The following ZNF804B variants were observed in gnomAD, a reference collection of about 807,000 sequenced individuals.
The protein encoded by ZNF804B is zinc finger 804B.
A neutral mutation model predicts 101.4 loss-of-function variants in ZNF804B; 80 were observed. The observed-to-expected ratio is 0.79, with a 90% CI of 0.66 to 0.95. The LOEUF (loss-of-function observed/expected upper bound fraction) is 0.95. ZNF804B is among the 40% of genes least tolerant of loss of function. The probability of loss-of-function intolerance (pLI) is 0.00; values close to 1 mark genes in which losing one functional copy is unlikely to be tolerated. For missense variants in ZNF804B, 1,673 were observed against 1,561.9 expected, an observed-to-expected ratio of 1.07 and a Z score of -1.20; for synonymous variants, 622 against 558.8, an observed-to-expected ratio of 1.11 and a Z score of -1.59.
At chr7:89,016,087 G>C (rs10952940) in intron 1 of ZNF804B, among the ~76,000 whole-genome samples, 1 of 151,930 alleles carries the variant, frequency 6.6e-6, no homozygotes, top group Non-Finnish European at 1.5e-5. Context: ...CTGATAGCCA[G>C]TGATGGTGAG....
chr7:89,076,509 A>G (rs1480175606), intron 1 of ZNF804B, among the ~76,000 whole-genome samples: 4 of 152,128 alleles, frequency 2.6e-5, no homozygotes, highest in Non-Finnish European at 5.9e-5. Context: ...TTTTCTTCCC[A>G]GTCTCAGGTA....
At chr7:88,933,818 G>A (rs756314929) in intron 1 of ZNF804B, among the ~76,000 whole-genome samples, 5 of 151,762 alleles carry the variant, frequency 3.3e-5, no homozygotes, top group Non-Finnish European at 5.9e-5. Context: ...AATCAATATT[G>A]TGAAAATGAC....
rs552799519 is a variant in ZNF804B, at chr7:88,946,640, T to C, written c.108+186556T>C. 2.0e-5 allele frequency among the ~76,000 whole-genome samples: 3 copies of C among 151,682 alleles called. No individual in the cohort carries two copies. In the East Asian group the frequency reaches 5.9e-4, roughly 30 times the overall value. On this transcript the variant is annotated intron_variant, in intron 1 of 3. Coordinates refer to ENST00000333190, the MANE Select transcript of ZNF804B (RefSeq NM_181646.5). ...ATAAAATGAGTTAGGAAGGAGTCCC[T>C]CTTTTTCTATTCTTTGGAATAGTTT...
At chr7:89,183,495 C>T (rs563056335) in intron 1 of ZNF804B, among the ~76,000 whole-genome samples, 8 of 152,074 alleles carry the variant, frequency 5.3e-5, no homozygotes, top group Non-Finnish European at 7.4e-5. Context: ...CTGCAAAAAT[C>T]ATTTTCTTTT....
intron 1 of ZNF804B, among the ~76,000 whole-genome samples, chr7:89,006,792 A>C (rs1562857565): frequency 6.6e-6 from 1 of 152,130 alleles, no homozygotes; most frequent in Non-Finnish European, 1.5e-5. Flanking sequence ...AACTCACCTG[A>C]GCTCCTCTGC....
chr7:89,072,353 A>G (rs1424450528), intron 1 of ZNF804B, among the ~76,000 whole-genome samples: 1 of 152,108 alleles, frequency 6.6e-6, no homozygotes, highest in African/African-American at 2.4e-5. Flanking sequence ...ACTATGCCTT[A>G]TTTTCCTCTT....
rs774736524 is a variant in ZNF804B, at chr7:89,285,546, AAAGAAG to A, written c.250-41771_250-41766del. Among the ~76,000 whole-genome samples the A allele has an allele frequency of 1.2e-3, 112 of 93,404 alleles. 1 individual carries two copies. The Middle Eastern group carries it at 0.024, about 20-fold the overall frequency. 61.3% of individuals were successfully genotyped at this position (93,404 alleles called of 152,430 possible). On this transcript the variant is annotated intron_variant, in intron 2 of 3. Coordinates refer to ENST00000333190, the MANE Select transcript of ZNF804B (RefSeq NM_181646.5). ...TCAAAAAAAAAAAAAAAAAAAAAAAAAAGAAGAAGAAGAAGAAGAAGAAGAAGAAGA... is the reference window on the plus strand; with the variant it reads ...TCAAAAAAAAAAAAAAAAAAAAAAAAAAGAAGAAGAAGAAGAAGAAGAAGA...
chr7:89,097,274 C>T (rs1234579511), intron 1 of ZNF804B, among the ~76,000 whole-genome samples: 3 of 152,082 alleles, frequency 2.0e-5, no homozygotes, highest in Admixed American at 6.6e-5. Context: ...ACAGGAAGCC[C>T]GAATTTACTT....
intron 1 of ZNF804B, among the ~76,000 whole-genome samples, chr7:88,909,013 G>A (rs1006995637): frequency 3.3e-5 from 5 of 151,708 alleles, no homozygotes; most frequent in Admixed American, 6.6e-5. Context: ...ATCTTGACCT[G>A]AAAAAGCTTA....
chr7:89,053,072 A>G (rs559373548), intron 1 of ZNF804B, among the ~76,000 whole-genome samples: 9 of 152,312 alleles, frequency 5.9e-5, no homozygotes, highest in African/African-American at 1.7e-4. Flanking sequence ...TAATTCAGGT[A>G]TAATTATAAC....
chr7:89,071,304 C>A (rs1292589827), intron 1 of ZNF804B, among the ~76,000 whole-genome samples: 1 of 152,032 alleles, frequency 6.6e-6, no homozygotes, highest in Non-Finnish European at 1.5e-5. Flanking sequence ...ATTTCAGTAC[C>A]TAAATAATGC....
intron 1 of ZNF804B, among the ~76,000 whole-genome samples, chr7:89,096,153 T>A (rs1583983684): frequency 7.3e-6 from 1 of 136,722 alleles, no homozygotes; most frequent in East Asian, 2.2e-4. Flanking sequence ...AGACTCCATT[T>A]AAAAAAAAAA....
chr7:89,327,567 A>G, intron 3 of ZNF804B, 93 bp downstream of exon 3: 2 of 1,487,588 alleles, frequency 1.3e-6, no homozygotes, highest in Non-Finnish European at 1.8e-6. Flanking sequence ...GTAAACAAAT[A>G]ATAACTAACT....
intron 1 of ZNF804B, among the ~76,000 whole-genome samples, chr7:88,865,703 AGC>A (rs1791716738): frequency 4.6e-5 from 7 of 152,158 alleles, no homozygotes; most frequent in African/African-American, 1.7e-4. Flanking sequence ...ATGGAGGGCC[AGC>A]CCCCTTTAGG....
intron 1 of ZNF804B, among the ~76,000 whole-genome samples, chr7:88,899,475 T>C (rs1442903978): frequency 6.6e-6 from 1 of 152,144 alleles, no homozygotes; most frequent in African/African-American, 2.4e-5. Context: ...CTCTGATCTC[T>C]TTCTTCACTG....
chr7:88,916,052 G>C (rs1584014741), intron 1 of ZNF804B, among the ~76,000 whole-genome samples: 1 of 151,746 alleles, frequency 6.6e-6, no homozygotes, highest in Non-Finnish European at 1.5e-5. Flanking sequence ...GTATCTGTGG[G>C]CTTAAAAAAA....
chr7:88,898,623 G>A (rs932332606), intron 1 of ZNF804B, among the ~76,000 whole-genome samples: 2 of 152,026 alleles, frequency 1.3e-5, no homozygotes, highest in African/African-American at 2.4e-5. Context: ...GGACCCTCCC[G>A]CTGTTATTAA....
chr7:88,907,177 C>T (rs1254394954), intron 1 of ZNF804B, among the ~76,000 whole-genome samples: 2 of 151,894 alleles, frequency 1.3e-5, no homozygotes, highest in Non-Finnish European at 2.9e-5. Context: ...TAATTGCCTC[C>T]TTAATGCAGT....
At chr7:88,842,047 C>A (rs1208181485) in intron 1 of ZNF804B, among the ~76,000 whole-genome samples, 1 of 152,110 alleles carries the variant, frequency 6.6e-6, no homozygotes, top group African/African-American at 2.4e-5. Context: ...TTGGACTAAA[C>A]AATATATACT....
Sources: allele counts gnomAD v4.1 joint callset (sites outside exome capture counted in the v4.1 genomes callset), GRCh38; gene constraint gnomAD v4.1.1; transcripts MANE v1.5; gene names NCBI Gene and HGNC (gene_info 2026-07-23, HGNC 2026-07-21).